The following ITGA9 variants were observed in gnomAD, a reference collection of about 807,000 sequenced individuals.
The protein encoded by ITGA9 is integrin subunit alpha 9.
A neutral mutation model predicts 127.8 loss-of-function variants in ITGA9; 56 were observed. The observed-to-expected ratio is 0.44, with a 90% CI of 0.35 to 0.55. The LOEUF is 0.55. ITGA9 is among the 20% of genes least tolerant of loss of function. The pLI is 0.00. For synonymous variants in ITGA9, 508 were observed against 514.5 expected, an observed-to-expected ratio of 0.99 and a Z score of 0.17; for missense variants, 1,196 against 1,347.1, an observed-to-expected ratio of 0.89 and a Z score of 1.76.
rs149335650 is a variant in ITGA9, at chr3:37,559,218, C to G, written c.1689+16633C>G. Among the ~76,000 whole-genome samples the G allele has an allele frequency of 4.0e-3, 608 of 152,136 alleles. 7 individuals carry two copies. The highest frequency in any genetic ancestry group is 0.014 in the African/African-American group (585 of 41,502). On this transcript the variant is annotated intron_variant, in intron 15 of 27. Coordinates refer to ENST00000264741, the MANE Select transcript of ITGA9 (RefSeq NM_002207.3). ...CTTGAAAGGAGAGATTTTTTTCCCTCTTGTAATAAATCAAACTTTTCTGAA... is the reference window on the plus strand; with the variant it reads ...CTTGAAAGGAGAGATTTTTTTCCCTGTTGTAATAAATCAAACTTTTCTGAA...
intron 17 of ITGA9, among the ~76,000 whole-genome samples, chr3:37,681,841 T>G (rs1401767930): frequency 2.0e-5 from 3 of 151,868 alleles, no homozygotes; most frequent in Non-Finnish European, 4.4e-5. Context: ...TCCTCACCTC[T>G]CAAACGTTCA....
chr3:37,565,469 C>T (rs1318877121), intron 15 of ITGA9, among the ~76,000 whole-genome samples: 1 of 152,200 alleles, frequency 6.6e-6, no homozygotes, highest in Non-Finnish European at 1.5e-5. Context: ...ATATGCTATG[C>T]AGCCAGTTCC....
intron 18 of ITGA9, among the ~76,000 whole-genome samples, chr3:37,689,475 G>T (rs972231596): frequency 1.3e-5 from 2 of 152,202 alleles, no homozygotes; most frequent in Admixed American, 1.3e-4. Context: ...GGTTTCCTCA[G>T]GGGCAGGCCC....
intron 15 of ITGA9, among the ~76,000 whole-genome samples, chr3:37,564,638 G>T (rs950777278): frequency 6.6e-6 from 1 of 152,096 alleles, no homozygotes; most frequent in Admixed American, 6.5e-5. Context: ...TGCATACGTG[G>T]GTGTATTTTT....
chr3:37,525,548 G>A (rs1293057783), intron 12 of ITGA9, among the ~76,000 whole-genome samples: 1 of 152,032 alleles, frequency 6.6e-6, no homozygotes, highest in African/African-American at 2.4e-5. Context: ...CTGAATTCTA[G>A]GTATGTCTTT....
chr3:37,629,402 C>T lies in ITGA9; in HGVS notation c.1839+66C>T, dbSNP rs1259392511. The T allele has an allele frequency of 6.3e-7, 1 of 1,582,824 alleles. No homozygotes were observed. On this transcript the variant is annotated intron_variant, in intron 16 of 27. Transcript: ENST00000264741. This position sits in a 1 kb window ranked among gnomAD's most constrained non-coding sequence, Gnocchi z 4.5. ...GCTGCACAGAGCAGAAATAATGGCC[C>T]AAAAGTTGAGAGAGCCGTGGGCCTG...
intron 26 of ITGA9, among the ~76,000 whole-genome samples, chr3:37,786,274 A>G (rs1342753886): frequency 6.6e-6 from 1 of 152,230 alleles, no homozygotes; most frequent in East Asian, 1.9e-4. Flanking sequence ...ACAACAGTGG[A>G]GACACCACAT....
chr3:37,588,404 C>T (rs1699780604), intron 15 of ITGA9, among the ~76,000 whole-genome samples: 1 of 149,148 alleles, frequency 6.7e-6, no homozygotes, highest in Admixed American at 6.7e-5. Flanking sequence ...CCCATCCAAG[C>T]TTCGTCCACC....
Position 37,597,307 on chromosome 3 carries a change from T to C in ITGA9, c.1690-31880T>C, listed in dbSNP as rs2125618626. On this transcript the variant is annotated intron_variant, in intron 15 of 27. Coordinates refer to ENST00000264741, the MANE Select transcript of ITGA9 (RefSeq NM_002207.3). The surrounding 1 kb of genome is among the most constrained non-coding windows in gnomAD (Gnocchi z 4.6). ...CAGGGAGAAAGGGCCAACCTCAGTATCTAAGGGTTAAGGGTGTGCAAGAGA... is the reference window on the plus strand; with the variant it reads ...CAGGGAGAAAGGGCCAACCTCAGTACCTAAGGGTTAAGGGTGTGCAAGAGA... 6.6e-6 allele frequency among the ~76,000 whole-genome samples: 1 copy of C among 152,228 alleles called. No individual in the cohort carries two copies. The highest frequency in any genetic ancestry group is 2.1e-4 in the South Asian group (1 of 4,814).
At position 37,744,087 on chromosome 3, in the gene ITGA9, T is replaced by A. The variant is rs1371045245; in HGVS notation, c.2433+53T>A. The A allele has an allele frequency of 6.8e-6, 8 of 1,175,866 alleles. No individual in the cohort carries two copies. The East Asian group carries it at 1.9e-4, about 27-fold the overall frequency. 72.8% of individuals were successfully genotyped at this position (1,175,866 alleles called of 1,614,324 possible). On this transcript the variant is annotated intron_variant, in intron 22 of 27. Transcript: ENST00000264741. ...CCGTGGGGGCTAACGGAAGGGCACA[T>A]GGGATGTCTCTCCTACAGAGGGCTA...
intron 26 of ITGA9, among the ~76,000 whole-genome samples, chr3:37,794,033 G>T (rs564999449): frequency 1.3e-5 from 2 of 152,326 alleles, no homozygotes; most frequent in South Asian, 2.1e-4. Context: ...CAGAGCTTGG[G>T]TGCTGTGCTC....
At chr3:37,548,600 G>A (rs1699350404) in intron 15 of ITGA9, among the ~76,000 whole-genome samples, 1 of 152,026 alleles carries the variant, frequency 6.6e-6, no homozygotes, top group Admixed American at 6.5e-5. Context: ...TCTTCTATAT[G>A]TCAGTTCCAG....
Position 37,667,603 on chromosome 3 carries a change from G to A in ITGA9, c.1916+13813G>A, listed in dbSNP as rs141335771. Among the ~76,000 whole-genome samples the A allele has an allele frequency of 5.5e-4, 84 of 152,340 alleles. 1 individual carries two copies. The highest frequency in any genetic ancestry group is 2.0e-3 in the African/African-American group (83 of 41,584). On this transcript the variant is annotated intron_variant, in intron 17 of 27. Transcript: ENST00000264741. ...TGGCTCCAGCGCAGCTCAGGCGTAA[G>A]CACAACCCATGACTCTGGGATGCCC...
At chr3:37,775,740 T>C (rs1696899402) in intron 23 of ITGA9, among the ~76,000 whole-genome samples, 1 of 151,814 alleles carries the variant, frequency 6.6e-6, no homozygotes, top group African/African-American at 2.4e-5. Context: ...GGAGTATAAA[T>C]GTGCTCAACC....
chr3:37,544,455 A>G (rs1699306486), intron 15 of ITGA9, among the ~76,000 whole-genome samples: 1 of 152,230 alleles, frequency 6.6e-6, no homozygotes, highest in Non-Finnish European at 1.5e-5. Flanking sequence ...TACTTATACT[A>G]AAAACATTTT....
rs1011955555 is a variant in ITGA9 at position 37,519,173 on chromosome 3, G to C, written c.1142-87G>C. On this transcript the variant is annotated intron_variant, in intron 10 of 27. Coordinates refer to ENST00000264741, the MANE Select transcript of ITGA9 (RefSeq NM_002207.3). ...CAACCAATAATTTCTGGTATCCAGG[G>C]ACTCAGACATGACAACCAGAATTAG... 3.3e-6 allele frequency: 3 copies of C among 917,754 alleles called. No individual in the cohort carries two copies. The African/African-American group carries it at 4.9e-5, about 15-fold the overall frequency. The allele number at this position is 917,754 out of a possible 1,614,324, so 56.9% of individuals were successfully genotyped here.
chr3:37,744,097 C>T, intron 22 of ITGA9, 63 bp downstream of exon 22: 2 of 1,098,336 alleles, frequency 1.8e-6, no homozygotes, highest in Non-Finnish European at 1.4e-6. Flanking sequence ...TGGGATGTCT[C>T]TCCTACAGAG....
rs544428941 is a variant in ITGA9 at position 37,653,004 on chromosome 3, G to A, written c.1840-710G>A. On this transcript the variant is annotated intron_variant, in intron 16 of 27. Coordinates refer to ENST00000264741, the MANE Select transcript of ITGA9 (RefSeq NM_002207.3). ...ACAGATAGGCCCAGGCCCAGGCACA[G>A]CCAGCAAGCTCTCTGGAAATATTTG... Among the ~76,000 whole-genome samples, 259 of 152,318 alleles carry A rather than the reference G, an allele frequency of 1.7e-3. 3 individuals are homozygous for A. In the South Asian group the frequency reaches 0.024, roughly 14 times the overall value.
chr3:37,760,818 TATAA>T (rs760154158), intron 23 of ITGA9, among the ~76,000 whole-genome samples: 5 of 152,184 alleles, frequency 3.3e-5, no homozygotes, highest in Non-Finnish European at 7.3e-5. Flanking sequence ...AATTTAAACC[TATAA>T]AAATGTTAAA....
Sources: allele counts gnomAD v4.1 joint callset (sites outside exome capture counted in the v4.1 genomes callset), GRCh38; gene constraint gnomAD v4.1.1; non-coding constraint Gnocchi (gnomAD v3.1); transcripts MANE v1.5; gene names NCBI Gene and HGNC (gene_info 2026-07-23, HGNC 2026-07-21).